The following TENM2 variants were observed in gnomAD, a reference collection of about 807,000 sequenced individuals.
TENM2 encodes teneurin-2.
A neutral mutation model predicts 245.2 loss-of-function variants in TENM2; 52 were observed. The ratio of observed to expected loss-of-function variants is 0.21; its 90% confidence interval spans 0.17 to 0.27. The LOEUF (loss-of-function observed/expected upper bound fraction) is 0.27, where lower values mean the gene tolerates loss of function less well. Among genes scored for constraint, TENM2 ranks in the 10% least tolerant of loss-of-function variants. TENM2 has a pLI of 1.00. For missense variants in TENM2, 3,046 were observed against 3,666.8 expected, an observed-to-expected ratio of 0.83 and a Z score of 4.37; for synonymous variants, 1,363 against 1,438.9, an observed-to-expected ratio of 0.95 and a Z score of 1.19.
chr5:167,555,231 G>T (rs1256957529), intron 2 of TENM2, among the ~76,000 whole-genome samples: 2 of 152,162 alleles, frequency 1.3e-5, no homozygotes, highest in South Asian at 4.1e-4. Context: ...AAACACATGA[G>T]CTGCTTTCTG....
At chr5:168,224,499 C>A (rs1044325986) in intron 23 of TENM2, among the ~76,000 whole-genome samples, 1 of 152,230 alleles carries the variant, frequency 6.6e-6, no homozygotes, top group Non-Finnish European at 1.5e-5. Flanking sequence ...GTCTGCAATT[C>A]TTTATTCCAA....
At chr5:167,857,540 CTCTT>C (rs1319273812) in intron 2 of TENM2, among the ~76,000 whole-genome samples, 1 of 152,196 alleles carries the variant, frequency 6.6e-6, no homozygotes, top group Non-Finnish European at 1.5e-5. Flanking sequence ...CATTGGGTCT[CTCTT>C]TCCTATGATC....
intron 4 of TENM2, among the ~76,000 whole-genome samples, chr5:167,979,331 AC>A (rs1007080402): frequency 1.3e-5 from 2 of 152,218 alleles, no homozygotes; most frequent in African/African-American, 4.8e-5. Flanking sequence ...AGAAAAATGC[AC>A]CATGAAATCT....
the TENM2 span, among the ~76,000 whole-genome samples, chr5:167,026,100 T>A: frequency 6.6e-6 from 1 of 152,236 alleles, no homozygotes; most frequent in African/African-American, 2.4e-5. Flanking sequence ...TAAGATACTT[T>A]ACTTTTGGCA....
At chr5:167,201,414 C>A in the TENM2 span, among the ~76,000 whole-genome samples, 1 of 152,090 alleles carries the variant, frequency 6.6e-6, no homozygotes, top group East Asian at 1.9e-4. Flanking sequence ...TGGTAATAAC[C>A]AGAAAATAGA....
At chr5:167,171,694 A>G in the TENM2 span, among the ~76,000 whole-genome samples, 1 of 152,188 alleles carries the variant, frequency 6.6e-6, no homozygotes, top group African/African-American at 2.4e-5. Flanking sequence ...CACTTCCAAG[A>G]AGGACCGTGA....
intron 1 of TENM2, among the ~76,000 whole-genome samples, chr5:167,340,087 T>C (rs1175619904): frequency 6.6e-6 from 1 of 152,244 alleles, no homozygotes; most frequent in Non-Finnish European, 1.5e-5. Flanking sequence ...TTGTAAGTTC[T>C]ACCTTCCACA....
rs138348282 is a variant in TENM2, at chr5:167,390,070, A to G, written c.502+14597A>G. ...CTATTGTACCTTATTGTTTATACAA[A>G]TGCTTAAAAAGTGTTCACTTATTGG... is the stretch of plus-strand genomic sequence containing the variant. On this transcript the variant is annotated intron_variant, in intron 2 of 28. Transcript: ENST00000518659. 1.4e-4 allele frequency among the ~76,000 whole-genome samples: 21 copies of G among 152,310 alleles called. No individual in the cohort carries two copies. In the East Asian group the frequency reaches 4.1e-3, roughly 29 times the overall value.
At chr5:168,028,745 C>G (rs1786841089) in intron 5 of TENM2, among the ~76,000 whole-genome samples, 1 of 151,138 alleles carries the variant, frequency 6.6e-6, no homozygotes, top group Admixed American at 6.6e-5. Context: ...TTTTGGGTCC[C>G]TAAATCGAGC....
chr5:168,083,020 C>T (rs1032502785), intron 7 of TENM2, among the ~76,000 whole-genome samples: 3 of 152,194 alleles, frequency 2.0e-5, no homozygotes, highest in South Asian at 2.1e-4. Context: ...GTTTCTACTG[C>T]CTTTTGTTCA....
chr5:168,036,816 A>G (rs1787752859), intron 5 of TENM2, among the ~76,000 whole-genome samples: 1 of 150,686 alleles, frequency 6.6e-6, no homozygotes, highest in Admixed American at 6.6e-5. Context: ...AAATAAGTCT[A>G]CTTGTATCAC....
At chr5:167,439,524 G>A (rs549770486) in intron 2 of TENM2, among the ~76,000 whole-genome samples, 1 of 152,242 alleles carries the variant, frequency 6.6e-6, no homozygotes, top group Admixed American at 6.5e-5. Flanking sequence ...TAAAGTCAAA[G>A]CATGAATTAA....
chr5:167,093,883 C>G, the TENM2 span, among the ~76,000 whole-genome samples: 2 of 152,148 alleles, frequency 1.3e-5, no homozygotes, highest in African/African-American at 2.4e-5. Context: ...CATCAAAAAG[C>G]TATAGTATCT....
intron 1 of TENM2, among the ~76,000 whole-genome samples, chr5:167,294,536 G>C (rs1754836214): frequency 6.6e-6 from 1 of 152,048 alleles, no homozygotes; most frequent in Non-Finnish European, 1.5e-5. Flanking sequence ...CTTTACATGT[G>C]CTATTCACTC....
chr5:167,204,655 C>T, the TENM2 span, among the ~76,000 whole-genome samples: 2 of 152,086 alleles, frequency 1.3e-5, no homozygotes, highest in Non-Finnish European at 2.9e-5. Context: ...AATCTTATGA[C>T]CTTCTTGGAG....
At chr5:167,920,515 T>TCACACA (rs58866696) in intron 3 of TENM2, among the ~76,000 whole-genome samples, 14,406 of 129,284 alleles carry the variant, frequency 0.11, 896 homozygotes, top group Non-Finnish European at 0.13. Context: ...CGAAACTCCA[T>TCACACA]CACACACACA....
chr5:167,722,819 G>C (rs2150524418), intron 2 of TENM2, among the ~76,000 whole-genome samples: 2 of 152,128 alleles, frequency 1.3e-5, no homozygotes, highest in Middle Eastern at 6.8e-3. Flanking sequence ...AACAACTTTT[G>C]AGCTAAGTTC....
intron 2 of TENM2, among the ~76,000 whole-genome samples, chr5:167,559,719 A>G (rs1422428258): frequency 6.6e-6 from 1 of 152,130 alleles, no homozygotes; most frequent in Non-Finnish European, 1.5e-5. Flanking sequence ...TTTCTTATGT[A>G]TCCCATATCA....
At chr5:167,707,013 TA>T (rs34373602) in intron 2 of TENM2, among the ~76,000 whole-genome samples, 22,311 of 70,084 alleles carry the variant, frequency 0.32, 2,189 homozygotes, top group Admixed American at 0.38. Context: ...AGACTCCGCC[TA>T]AAAAAAAAAA....
Sources: gnomAD v4.1 joint callset for allele counts (sites outside exome capture counted in the v4.1 genomes callset) on GRCh38, gnomAD v4.1.1 for gene constraint, MANE v1.5 for transcripts, NCBI Gene and HGNC (gene_info 2026-07-23, HGNC 2026-07-21) for gene names.